The following SHC3 variants were observed in gnomAD, a reference collection of about 807,000 sequenced individuals.
SHC3 encodes the protein SHC-transforming protein 3.
A neutral mutation model predicts 60.4 loss-of-function variants in SHC3; 15 were observed. The observed-to-expected ratio is 0.25, with a 90% CI of 0.17 to 0.38. The LOEUF (loss-of-function observed/expected upper bound fraction) is 0.38. Among genes scored for constraint, SHC3 ranks in the 10% least tolerant of loss-of-function variants. SHC3 has a pLI of 1.00. For synonymous variants in SHC3, 294 were observed against 325.9 expected, an observed-to-expected ratio of 0.90 and a Z score of 1.05; for missense variants, 677 against 786.1, an observed-to-expected ratio of 0.86 and a Z score of 1.66.
At chr9:89,065,139 T>C (rs1825156982) in intron 6 of SHC3, among the ~76,000 whole-genome samples, 2 of 152,152 alleles carry the variant, frequency 1.3e-5, no homozygotes, top group Admixed American at 6.5e-5. Context: ...CCTCTAGGGC[T>C]GGCAGGGCAG....
intron 1 of SHC3, among the ~76,000 whole-genome samples, chr9:89,140,509 C>T (rs1391690470): frequency 2.6e-5 from 4 of 152,128 alleles, no homozygotes; most frequent in Admixed American, 6.6e-5. Context: ...CAAGCATGCA[C>T]AGCTGAGTAT....
At chr9:89,100,289 C>G (rs376236914) in intron 2 of SHC3, among the ~76,000 whole-genome samples, 17 of 152,248 alleles carry the variant, frequency 1.1e-4, no homozygotes, top group African/African-American at 3.1e-4. Flanking sequence ...GCTTGCAGAA[C>G]GGGTATCATT....
chr9:89,148,386 T>C (rs1449653434), intron 1 of SHC3, among the ~76,000 whole-genome samples: 2 of 152,226 alleles, frequency 1.3e-5, no homozygotes, highest in Non-Finnish European at 2.9e-5. Context: ...TATAACCTCC[T>C]GTGACTCTGT....
At chr9:89,039,949 A>G in intron 10 of SHC3, among the ~76,000 whole-genome samples, 1 of 151,858 alleles carries the variant, frequency 6.6e-6, no homozygotes, top group African/African-American at 2.4e-5. Flanking sequence ...CAGTAACAGC[A>G]GCAGCAGTAG....
At position 89,008,288 on chromosome 9, in the gene SHC3, A is replaced by G. The variant is rs1226507338; in HGVS notation, c.*5159T>C. 2 of 152,204 alleles carry G rather than the reference A, an allele frequency of 1.3e-5. No individual in the cohort carries two copies. The highest frequency in any genetic ancestry group is 2.9e-5 in the Non-Finnish European group (2 of 68,044). The allele number at this position is 152,204 out of a possible 1,614,324, so 9.4% of individuals were successfully genotyped here. On this transcript the variant is annotated 3_prime_UTR_variant, in exon 12 of 12. Transcript: ENST00000375835. ...TTATTAATTCTCCACTTTTAAATTCACAGCACGGACCCTGGGATCTGTGAC... is the reference window on the plus strand; with the variant it reads ...TTATTAATTCTCCACTTTTAAATTCGCAGCACGGACCCTGGGATCTGTGAC...
chr9:89,159,615 C>T (rs1306016605), intron 1 of SHC3, among the ~76,000 whole-genome samples: 3 of 152,102 alleles, frequency 2.0e-5, no homozygotes, highest in African/African-American at 7.2e-5. Context: ...AGTATTAACT[C>T]GCACGATCAC....
chr9:89,121,831 T>G (rs1826096756), intron 1 of SHC3, among the ~76,000 whole-genome samples: 1 of 152,238 alleles, frequency 6.6e-6, no homozygotes, highest in Non-Finnish European at 1.5e-5. Context: ...TTTTAAGGAC[T>G]TTATAAACCT....
chr9:89,024,922 C>T (rs942425899), intron 11 of SHC3, among the ~76,000 whole-genome samples: 5 of 152,070 alleles, frequency 3.3e-5, no homozygotes, highest in Non-Finnish European at 1.5e-5. Flanking sequence ...TGTGGTGTGG[C>T]GGGGAACCCA....
chr9:89,092,413 A>C (rs1398382278), intron 2 of SHC3, among the ~76,000 whole-genome samples: 3 of 152,076 alleles, frequency 2.0e-5, no homozygotes, highest in Non-Finnish European at 2.9e-5. Flanking sequence ...GTCAGGAGAT[A>C]AAGACCATCC....
At chr9:89,116,260 C>T (rs764291697) in intron 1 of SHC3, among the ~76,000 whole-genome samples, 11 of 152,304 alleles carry the variant, frequency 7.2e-5, no homozygotes, top group Non-Finnish European at 1.3e-4. Flanking sequence ...AACAGTACCA[C>T]GGTGTTGCAC....
chr9:89,035,852 T>TATATATATATATATA (rs372898972), intron 11 of SHC3, among the ~76,000 whole-genome samples: 219 of 81,958 alleles, frequency 2.7e-3, no homozygotes, highest in Middle Eastern at 7.0e-3. Context: ...TATATATAGA[T>TATATATATATATATA]GTGTGTGTGT....
intron 1 of SHC3, among the ~76,000 whole-genome samples, chr9:89,166,101 G>A (rs1587766247): frequency 6.6e-6 from 1 of 152,084 alleles, no homozygotes; most frequent in East Asian, 1.9e-4. Context: ...GTCGCCTCCT[G>A]GAGATGGGCC....
At chr9:89,032,647 T>C (rs778288767) in intron 11 of SHC3, among the ~76,000 whole-genome samples, 2 of 152,180 alleles carry the variant, frequency 1.3e-5, no homozygotes, top group Non-Finnish European at 2.9e-5. Flanking sequence ...CTTGACACCT[T>C]ACGAACAGGG....
In SHC3 at chr9:89,006,776, G is replaced by A. The variant is rs897517688; in HGVS notation, c.*6671C>T. The A allele has an allele frequency of 3.3e-5, 5 of 152,196 alleles. No individual in the cohort carries two copies. Among genetic ancestry groups the A allele is most frequent in the African/African-American group, 1.2e-4 (5 of 41,452 alleles). 9.4% of individuals were successfully genotyped at this position (152,196 alleles called of 1,614,324 possible). On this transcript the variant is annotated 3_prime_UTR_variant, in exon 12 of 12. Transcript: ENST00000375835. ...AACAAGTTATATTCAAAAGTCAAAT[G>A]AACAGAGAACATTCCACTTGCAACC...
chr9:89,028,003 T>C (rs913449204), intron 11 of SHC3, among the ~76,000 whole-genome samples: 1 of 152,182 alleles, frequency 6.6e-6, no homozygotes, highest in Non-Finnish European at 1.5e-5. Context: ...CTAGGGAACA[T>C]TAATCCAAAG....
chr9:89,146,308 G>T (rs541239077), intron 1 of SHC3, among the ~76,000 whole-genome samples: 1 of 152,036 alleles, frequency 6.6e-6, no homozygotes, highest in South Asian at 2.1e-4. Context: ...AGTAAGCTGA[G>T]ATCGCGCCAC....
intron 1 of SHC3, among the ~76,000 whole-genome samples, chr9:89,163,180 G>T (rs1375982686): frequency 6.6e-6 from 1 of 151,506 alleles, no homozygotes; most frequent in Non-Finnish European, 1.5e-5. Flanking sequence ...GTGGAAGTCA[G>T]TGTGGAGATT....
chr9:89,087,891 C>T (rs887045681), intron 2 of SHC3, among the ~76,000 whole-genome samples: 3 of 152,080 alleles, frequency 2.0e-5, no homozygotes, highest in Admixed American at 6.5e-5. Context: ...CTCTTTGTAG[C>T]AATAAGATAC....
chr9:89,134,773 AG>A (rs1287467107), intron 1 of SHC3, among the ~76,000 whole-genome samples: 3 of 152,106 alleles, frequency 2.0e-5, no homozygotes, highest in Non-Finnish European at 4.4e-5. Context: ...ATTAGAATAG[AG>A]GAAAAATCTT....
Sources: gnomAD v4.1 joint callset for allele counts (sites outside exome capture counted in the v4.1 genomes callset) on GRCh38, gnomAD v4.1.1 for gene constraint, MANE v1.5 for transcripts, NCBI Gene and HGNC (gene_info 2026-07-23, HGNC 2026-07-21) for gene names.